Variants in CNOT1 observed in about 807,000 individuals in gnomAD.
The protein encoded by CNOT1 is CCR4-NOT transcription complex subunit 1, also known as CCR4-associated factor 1.
CNOT1 carries 15 observed loss-of-function variants against 273.8 expected under a neutral mutation model. That is an observed-to-expected ratio of 0.05 (90% CI 0.04 to 0.08). The LOEUF (loss-of-function observed/expected upper bound fraction) is 0.08, where lower values mean the gene tolerates loss of function less well. CNOT1 is among the 10% of genes least tolerant of loss of function. The pLI, the probability that CNOT1 is intolerant of heterozygous loss-of-function variation, is 1.00. For synonymous variants in CNOT1, 1,022 were observed against 1,005.5 expected, an observed-to-expected ratio of 1.02 and a Z score of -0.31; for missense variants, 1,644 against 2,912.2, an observed-to-expected ratio of 0.56 and a Z score of 10.02.
intron 47 of CNOT1, 159 bp downstream of exon 47, chr16:58,523,211 C>G: frequency 1.5e-6 from 1 of 655,990 alleles, no homozygotes; most frequent in Non-Finnish European, 2.4e-6. Flanking sequence ...CGCCACTGTA[C>G]TGCAGACTGA....
intron 34 of CNOT1, 56 bp downstream of exon 34, chr16:58,541,445 T>G: frequency 7.6e-6 from 12 of 1,585,702 alleles, no homozygotes; most frequent in Non-Finnish European, 9.4e-6. Context: ...ATATTAAATG[T>G]CAAAAACATT....
At chr16:58,588,691 A>G in intron 3 of CNOT1, 108 bp downstream of exon 3, 1 of 1,310,850 alleles carries the variant, frequency 7.6e-7, no homozygotes. Context: ...TCCAGCTACA[A>G]TCACTTCCGG....
chr16:58,554,935 C>CAAAAAAAAAAAAAAA (rs56180546), intron 21 of CNOT1, among the ~76,000 whole-genome samples: 5 of 78,886 alleles, frequency 6.3e-5, no homozygotes, highest in Admixed American at 1.5e-4. Flanking sequence ...GACTCCATCT[C>CAAAAAAAAAAAAAAA]AAAAAAAAAA....
chr16:58,535,681 C>T (rs957320747), intron 39 of CNOT1, among the ~76,000 whole-genome samples: 4 of 151,820 alleles, frequency 2.6e-5, no homozygotes, highest in Non-Finnish European at 4.4e-5. Flanking sequence ...GAAATATACT[C>T]GGTATGATTT....
Position 58,585,330 on chromosome 16 carries a change from C to T in CNOT1, c.806+8G>A, listed in dbSNP as rs1884191211. 3 of 1,613,636 alleles carry T rather than the reference C, an allele frequency of 1.9e-6. No individual in the cohort carries two copies. The highest frequency in any genetic ancestry group is 2.7e-5 in the African/African-American group (2 of 75,024). On this transcript the variant is annotated splice_region_variant and intron_variant, in intron 8 of 48. Coordinates refer to ENST00000317147, the MANE Select transcript of CNOT1 (RefSeq NM_016284.5). Reference sequence around the variant, plus strand: ...ATAATCAGAAGCTTAACACATTTTACTACCAACCTTGCACAAAAGCCATAG... The same window carrying T: ...ATAATCAGAAGCTTAACACATTTTATTACCAACCTTGCACAAAAGCCATAG...
At position 58,528,505 on chromosome 16, in the gene CNOT1, C is replaced by T. The variant is rs202006884; in HGVS notation, c.6423G>A (p.Arg2141=). 6.2e-7 allele frequency: 1 copy of T among 1,613,622 alleles called. No homozygotes were observed. Among genetic ancestry groups the T allele is most frequent in the Non-Finnish European group, 8.5e-7 (1 of 1,179,680 alleles). The change falls in exon 44 of 49, where the codon AGG becomes AGA. Residue 2141 remains arginine (R), a synonymous_variant. Transcript: ENST00000317147. Reference sequence around the variant, plus strand: ...GATTAGGAGTGAATGGGTCGGGGAGCCTCATGTTTCTTGGAAAGGCACTCA... The same window carrying T: ...GATTAGGAGTGAATGGGTCGGGGAGTCTCATGTTTCTTGGAAAGGCACTCA... ...LILSAFPRNM[R]LPDPFTPNLK...
intron 2 of CNOT1, among the ~76,000 whole-genome samples, chr16:58,591,150 G>C (rs2042038512): frequency 6.6e-6 from 1 of 152,194 alleles, no homozygotes; most frequent in Non-Finnish European, 1.5e-5. Context: ...CAAAAGCACA[G>C]AGACAGAAAA....
intron 1 of CNOT1, among the ~76,000 whole-genome samples, chr16:58,618,729 TATGGCAACCTC>T (rs2043189321): frequency 6.6e-6 from 1 of 151,502 alleles, no homozygotes; most frequent in African/African-American, 2.4e-5. Context: ...ATGCGTGAGA[TATGGCAACCTC>T]AAACGGCACA....
Position 58,525,348 on chromosome 16 carries a change from T to A in CNOT1, c.6615A>T (p.Glu2205Asp). The change falls in exon 46 of 49, where the codon GAA becomes GAT. Residue 2205 changes from glutamate to aspartate, a missense_variant. Physicochemically the swap from Glu to Asp is conservative, Grantham distance 45. Around this residue, in one of 13 missense-constraint regions of CNOT1, gnomAD observed 140 missense variants for 324.6 expected, o/e 0.43. Coordinates refer to ENST00000317147, the MANE Select transcript of CNOT1 (RefSeq NM_016284.5). ...DLRSNLQVSNEPGNRYNLQLI... is the reference protein window; with the variant it reads ...DLRSNLQVSNDPGNRYNLQLI... ...GCTGGAGGTTGTAGCGATTCCCAGG[T>A]TCATTGGATACCTTAAAATGAGCAA... The A allele has an allele frequency of 6.2e-7, 1 of 1,613,286 alleles. No individual in the cohort carries two copies. Among genetic ancestry groups the A allele is most frequent in the Non-Finnish European group, 8.5e-7 (1 of 1,179,996 alleles).
chr16:58,602,443 C>T (rs1225107600), intron 1 of CNOT1, among the ~76,000 whole-genome samples: 1 of 149,528 alleles, frequency 6.7e-6, no homozygotes, highest in Non-Finnish European at 1.5e-5. Flanking sequence ...ATCCCAGCTA[C>T]TTGGGAGGTC....
intron 13 of CNOT1, among the ~76,000 whole-genome samples, chr16:58,577,699 T>A (rs2151969233): frequency 6.6e-6 from 1 of 151,812 alleles, no homozygotes; most frequent in South Asian, 2.1e-4. Context: ...ATTAACCGGG[T>A]ATGGTGGCAT....
chr16:58,523,111 G>A (rs1218932627), intron 47 of CNOT1: 1 of 228,268 alleles, frequency 4.4e-6, no homozygotes, highest in Admixed American at 5.5e-5. Context: ...TGGGCGTGGT[G>A]GCAGGCGCCT....
At position 58,542,564 on chromosome 16, in the gene CNOT1, G is replaced by A. The variant is rs140462757; in HGVS notation, c.4439C>T (p.Ala1480Val). 1,722 of 598,598 alleles carry A rather than the reference G, an allele frequency of 2.9e-3. 2 individuals are homozygous for A. The highest frequency in any genetic ancestry group is 4.5e-3 in the Non-Finnish European group (1,546 of 346,478). The allele number at this position is 598,598 out of a possible 1,614,324, so 37.1% of individuals were successfully genotyped here. ...CATCATTTCTCTTTGTTGTGGGGAA[G>A]CAGTCTATTAATGGAGGTGGGTGGG... ...KNSFASALRT[A>V]SPQQREMMDQ... Residue 1480 changes from alanine (A) to valine (V), a missense_variant, in exon 32 of 49, where the codon GCT becomes GTT. Physicochemically the swap from Ala to Val is moderately conservative, Grantham distance 64. Around this residue, in one of 13 missense-constraint regions of CNOT1, gnomAD observed 133 missense variants for 230.4 expected, o/e 0.58. Transcript: ENST00000317147.
intron 13 of CNOT1, 45 bp from the exon 14 acceptor site, chr16:58,576,627 G>C (rs573055276): frequency 1.2e-6 from 2 of 1,610,434 alleles, no homozygotes; most frequent in African/African-American, 2.7e-5. Context: ...GCTAAACACT[G>C]TGATAGATAT....
chr16:58,585,642 CT>C, intron 7 of CNOT1, 136 bp from the exon 8 acceptor site: 1 of 1,397,312 alleles, frequency 7.2e-7, no homozygotes, highest in Non-Finnish European at 9.4e-7. Context: ...TTTTTCCAGC[CT>C]ACTAGCCGAA....
At chr16:58,586,149 T>C (rs2041827863) in intron 7 of CNOT1, among the ~76,000 whole-genome samples, 1 of 142,464 alleles carries the variant, frequency 7.0e-6, no homozygotes, top group Non-Finnish European at 1.5e-5. Context: ...CTAGGTATGG[T>C]GTCATGCTCG....
chr16:58,581,650 C>T (rs1597503720), intron 10 of CNOT1, 135 bp from the exon 11 acceptor site: 1 of 1,370,624 alleles, frequency 7.3e-7, no homozygotes, highest in Non-Finnish European at 9.5e-7. Context: ...TTTTAAGAAA[C>T]CCATTCTTTT....
intron 19 of CNOT1, 115 bp from the exon 20 acceptor site, chr16:58,556,023 C>G: frequency 6.7e-7 from 1 of 1,499,818 alleles, no homozygotes; most frequent in Non-Finnish European, 8.8e-7. Context: ...TATAAAAAAA[C>G]TGGAAAAGGT....
At chr16:58,628,950 T>A (rs2043701633) in intron 1 of CNOT1, among the ~76,000 whole-genome samples, 1 of 152,262 alleles carries the variant, frequency 6.6e-6, no homozygotes, top group African/African-American at 2.4e-5. Context: ...GTGGATCTTA[T>A]CAGCCTTGAG....
Sources: allele counts gnomAD v4.1 joint callset (sites outside exome capture counted in the v4.1 genomes callset), GRCh38; gene constraint gnomAD v4.1.1; regional missense constraint gnomAD v4.1.1; transcripts MANE v1.5; gene names NCBI Gene and HGNC (gene_info 2026-07-23, HGNC 2026-07-21).